SLC19A1: variants seen among roughly 807,000 people sequenced by gnomAD.
SLC19A1 encodes the protein reduced folate transporter.
Under a neutral mutation model 35.3 loss-of-function variants are expected in SLC19A1, and 37 were observed. That is an observed-to-expected ratio of 1.05 (90% CI 0.81 to 1.38). The LOEUF (loss-of-function observed/expected upper bound fraction) is 1.38. Ranked by LOEUF, SLC19A1 falls within the 40% of genes most tolerant of loss-of-function variation. The probability of loss-of-function intolerance (pLI) is 0.00; values close to 1 mark genes in which losing one functional copy is unlikely to be tolerated. For synonymous variants in SLC19A1, 460 were observed against 398.5 expected (o/e 1.15, Z -1.84); for missense variants, 831 against 826.9 (o/e 1.00, Z -0.06).
At chr21:45,553,270 C>T (rs1365492496) in intron 1 of SLC19A1, among the ~76,000 whole-genome samples, 3 of 151,970 alleles carry the variant, frequency 2.0e-5, no homozygotes, top group African/African-American at 7.3e-5. Flanking sequence ...AGCCGCTGAC[C>T]TTTAGGACCT....
At chr21:45,504,164 C>T (rs2037040391) in intron 3 of SLC19A1, 8 of 1,295,344 alleles carry the variant, frequency 6.2e-6, no homozygotes, top group Admixed American at 3.5e-5. Flanking sequence ...CCTGTTCAGC[C>T]CTGCGAGGGG....
At position 45,537,776 on chromosome 21, in the gene SLC19A1, C is replaced by T. The variant is rs148765362; in HGVS notation, c.184G>A (p.Glu62Lys). 8.3e-5 allele frequency: 125 copies of T among 1,497,028 alleles called. 1 individual carries two copies. Among genetic ancestry groups the T allele is most frequent in the Non-Finnish European group, 1.1e-4 (122 of 1,117,516 alleles). 92.7% of individuals were successfully genotyped at this position (1,497,028 alleles called of 1,614,324 possible). Residue 62 changes from glutamate (E) to lysine (K), a missense_variant, in exon 2 of 6, where the codon GAG (glutamate) becomes AAG (lysine). Transcript: ENST00000311124. ...GCACCCCGGCACCCACATGCCTGCT[C>T]CCGCGTGAAGTTCTTGTCGGGCCCC... is the stretch of plus-strand genomic sequence containing the variant. ...LLGPDKNFTR[E>K]QVTNEITPVL...
chr21:45,504,489 G>A (rs1023279735), intron 3 of SLC19A1: 3 of 1,578,578 alleles, frequency 1.9e-6, no homozygotes, highest in Non-Finnish European at 2.6e-6. Context: ...GGTTTCTTCG[G>A]CTCCAGCCTG....
At position 45,541,583 on chromosome 21, in the gene SLC19A1, G is replaced by A. The variant is rs542497908; in HGVS notation, c.-50+785C>T. ...ACCCTAGGGGGATGGCTTTCCTGCT[G>A]TAGCGGTGTTGGAAGGACCCACTCG... On this transcript the variant is annotated intron_variant, in intron 1 of 5. Transcript: ENST00000311124. 7.9e-5 allele frequency among the ~76,000 whole-genome samples: 12 copies of A among 152,382 alleles called. No individual in the cohort carries two copies. In the South Asian group the frequency reaches 8.3e-4, roughly 11 times the overall value.
Position 45,532,072 on chromosome 21 carries a change from T to C in SLC19A1, c.266A>G (p.Tyr89Cys), listed in dbSNP as rs199502402. The change falls in exon 3 of 6, where the codon TAC (tyrosine) becomes TGC (cysteine). Residue 89 changes from tyrosine to cysteine, a missense_variant. Tyr to Cys is a radical substitution (Grantham distance 194, BLOSUM62 -2). Coordinates refer to ENST00000311124, the MANE Select transcript of SLC19A1 (RefSeq NM_194255.4). ...VLVPVFLLTDYLRYTPVLLLQ... is the reference protein window; with the variant it reads ...VLVPVFLLTDCLRYTPVLLLQ... ...CAGCAGCACCGGCGTGTAGCGCAGG[T>C]AGTCGGTGAGCAGGAACACGGGCAC... The C allele has an allele frequency of 6.2e-7, 1 of 1,612,158 alleles. No homozygotes were observed. The highest frequency in any genetic ancestry group is 1.7e-4 in the Middle Eastern group (1 of 6,060).
rs78555948 is a variant in SLC19A1 at position 45,503,900 on chromosome 21, C to G, written c.498-5288G>C. 2.7e-5 allele frequency: 30 copies of G among 1,114,938 alleles called. No homozygotes were observed. In the East Asian group the frequency reaches 5.4e-4, roughly 20 times the overall value. 69.1% of individuals were successfully genotyped at this position (1,114,938 alleles called of 1,614,324 possible). ...CTAATTAAATACGCGATCTCTACCGCGAAATGGCTAGAAGGGCCTCAGGCA... is the reference window on the plus strand; with the variant it reads ...CTAATTAAATACGCGATCTCTACCGGGAAATGGCTAGAAGGGCCTCAGGCA... On this transcript the variant is annotated intron_variant, in intron 3 of 4. Transcript: ENST00000417954.
At chr21:45,511,424 G>A (rs2037601884), downstream of SLC19A1, among the ~76,000 whole-genome samples, 1 of 152,174 alleles carries the variant, frequency 6.6e-6, no homozygotes, top group African/African-American at 2.4e-5. Context: ...ATGCGTTTGA[G>A]AGCCAGGTAG....
intron 1 of SLC19A1, among the ~76,000 whole-genome samples, chr21:45,538,485 G>A (rs2078206051): frequency 6.6e-6 from 1 of 152,214 alleles, no homozygotes; most frequent in South Asian, 2.1e-4. Flanking sequence ...GGAGGGCACA[G>A]GCAGGAACGG....
At chr21:45,526,515 C>T (rs187944929) in intron 4 of SLC19A1, among the ~76,000 whole-genome samples, 3 of 152,308 alleles carry the variant, frequency 2.0e-5, no homozygotes, top group Admixed American at 6.5e-5. Flanking sequence ...CAGGATTTTC[C>T]ACCGGGTTGT....
At chr21:45,511,377 GA>G (rs1157703591), downstream of SLC19A1, 2 of 674,420 alleles carry the variant, frequency 3.0e-6, no homozygotes, top group Non-Finnish European at 5.4e-6. Context: ...AGAGCATTGA[GA>G]AAAATGAGAA....
intron 2 of SLC19A1, among the ~76,000 whole-genome samples, chr21:45,532,636 T>C (rs1888532): frequency 0.53 from 80,702 of 151,952 alleles, 21,892 homozygotes; most frequent in South Asian, 0.62. Context: ...GGTTTCACCA[T>C]GTTGGGCAGG....
rs149863819 is a variant in SLC19A1, at chr21:45,506,653, A to G, written c.498-8041T>C. ...CCATGCCGCCGAAACGGCCTGTGAC[A>G]TCCGTGGGAGCCTCCATGGCAGAAC... On this transcript the variant is annotated intron_variant, in intron 3 of 4. Transcript: ENST00000417954. The G allele has an allele frequency of 5.2e-3, 890 of 171,000 alleles. 9 individuals are homozygous for G. The highest frequency in any genetic ancestry group is 0.037 in the East Asian group (244 of 6,670). 10.6% of individuals were successfully genotyped at this position (171,000 alleles called of 1,614,324 possible).
intron 4 of SLC19A1, among the ~76,000 whole-genome samples, chr21:45,527,199 G>A (rs1270034610): frequency 1.4e-5 from 2 of 140,056 alleles, no homozygotes; most frequent in Non-Finnish European, 3.1e-5. Context: ...TAGCAGCTGG[G>A]TATGCCCGGG....
rs554796655 is a variant in SLC19A1 at position 45,505,448 on chromosome 21, C to T, written c.498-6836G>A. On this transcript the variant is annotated intron_variant, in intron 3 of 4. Transcript: ENST00000417954. ...TCCTCAGGGGTAAGTGTCTGGGCAG[C>T]CGGCTGGGCACCTGCGTCCCGTGCC... 2.0e-5 allele frequency: 29 copies of T among 1,433,942 alleles called. No homozygotes were observed. In the South Asian group the frequency reaches 3.3e-4, roughly 16 times the overall value. The allele number at this position is 1,433,942 out of a possible 1,614,324, so 88.8% of individuals were successfully genotyped here. A position where few individuals can be genotyped will look rare whatever the true frequency, so the allele number is the denominator to read the frequency against.
Position 45,515,808 on chromosome 21 carries a change from G to A in SLC19A1, c.1626C>T (p.Thr542=). 3 of 1,611,386 alleles carry A rather than the reference G, an allele frequency of 1.9e-6. No homozygotes were observed. The change falls in exon 6 of 6, where the codon ACC becomes ACT. Residue 542 remains threonine (T), a synonymous_variant. Coordinates refer to ENST00000311124, the MANE Select transcript of SLC19A1 (RefSeq NM_194255.4). ...QAAEFLSPVT[T]PSPCTLCSAQ... is the part of the protein sequence containing the mutation. ...CGGAGCACAGAGTGCAGGGGGAAGG[G>A]GTTGTCACTGGGCTCAGGAATTCAG...
intron 1 of SLC19A1, among the ~76,000 whole-genome samples, chr21:45,562,193 AT>A (rs2078622255): frequency 6.6e-6 from 1 of 152,062 alleles, no homozygotes; most frequent in Admixed American, 6.6e-5. Context: ...TTTCCTTTTA[AT>A]CTTAAGACAG....
chr21:45,529,352 G>C (rs1159900275), intron 4 of SLC19A1, among the ~76,000 whole-genome samples: 1 of 152,214 alleles, frequency 6.6e-6, no homozygotes, highest in Non-Finnish European at 1.5e-5. Flanking sequence ...AAACAGGCTC[G>C]TGACCAGCAT....
At chr21:45,512,256 C>T (rs779904620), downstream of SLC19A1, 26 of 1,611,908 alleles carry the variant, frequency 1.6e-5, no homozygotes, top group Middle Eastern at 1.6e-4. Context: ...TACTGTGAGA[C>T]GTGGCGGACG....
rs372722421 is a variant in SLC19A1, at chr21:45,505,303, G to A, written c.498-6691C>T. 1.1e-4 allele frequency: 178 copies of A among 1,604,490 alleles called. 1 individual carries two copies. In the African/African-American group the frequency reaches 1.2e-3, roughly 11 times the overall value. The stretch of plus-strand genomic sequence containing the variant: ...AGTAAGTCAGTGGGGAGTGGGCCCC[G>A]GGCAGAGGCCGCCTCGTGTGGCTTC... On this transcript the variant is annotated intron_variant, in intron 3 of 4. Transcript: ENST00000417954.
Sources: gnomAD v4.1 joint callset for allele counts (sites outside exome capture counted in the v4.1 genomes callset) on GRCh38, gnomAD v4.1.1 for gene constraint, MANE v1.5 for transcripts, NCBI Gene and HGNC (gene_info 2026-07-23, HGNC 2026-07-21) for gene names.